Variants in HECW2 observed in about 807,000 individuals in gnomAD.
HECW2 encodes the protein E3 ubiquitin-protein ligase HECW2.
In HECW2, 61 loss-of-function variants were observed where a neutral mutation model predicts 175.2. The observed-to-expected ratio is 0.35, with a 90% CI of 0.28 to 0.43. HECW2 has a LOEUF of 0.43. HECW2 is among the 20% of genes least tolerant of loss of function. The pLI, the probability that HECW2 is intolerant of heterozygous loss-of-function variation, is 1.00. For synonymous variants in HECW2, 671 were observed against 731.0 expected (o/e 0.92, Z 1.32); for missense variants, 1,524 against 2,000.5 (o/e 0.76, Z 4.54).
intron 17 of HECW2, among the ~76,000 whole-genome samples, chr2:196,260,713 C>G (rs966579599): frequency 2.0e-5 from 3 of 152,170 alleles, no homozygotes; most frequent in Non-Finnish European, 4.4e-5. Context: ...GAGGAACAGA[C>G]AGAAGTCAGC....
intron 2 of HECW2, among the ~76,000 whole-genome samples, chr2:196,366,409 A>G (rs1480116623): frequency 6.6e-6 from 1 of 152,248 alleles, no homozygotes; most frequent in Non-Finnish European, 1.5e-5. Flanking sequence ...TCAAGCCAAA[A>G]TATCAGCATT....
At chr2:196,417,664 C>T (rs902518849) in intron 2 of HECW2, among the ~76,000 whole-genome samples, 2 of 152,240 alleles carry the variant, frequency 1.3e-5, no homozygotes, top group Non-Finnish European at 2.9e-5. Context: ...CTTACATATG[C>T]TGACCAGTAA....
intron 10 of HECW2, among the ~76,000 whole-genome samples, chr2:196,310,088 T>C (rs1691430836): frequency 6.6e-6 from 1 of 152,128 alleles, no homozygotes; most frequent in Admixed American, 6.5e-5. Context: ...GCACATAGCA[T>C]GTAATAAATG....
chr2:196,475,007 T>C (rs1380239619), intron 1 of HECW2, among the ~76,000 whole-genome samples: 1 of 152,084 alleles, frequency 6.6e-6, no homozygotes, highest in East Asian at 1.9e-4. Context: ...TAACACAGTT[T>C]AACGAATTTC....
chr2:196,434,724 T>C (rs1053357301), intron 1 of HECW2, among the ~76,000 whole-genome samples: 1 of 152,242 alleles, frequency 6.6e-6, no homozygotes, highest in African/African-American at 2.4e-5. Flanking sequence ...TCTTGGTACC[T>C]GCCACCATCT....
chr2:196,591,303 GAAACTGGATTC>G (rs1297141496), intron 1 of HECW2, among the ~76,000 whole-genome samples: 6 of 152,144 alleles, frequency 3.9e-5, no homozygotes, highest in African/African-American at 1.4e-4. Flanking sequence ...GATGGTGAAG[GAAACTGGATTC>G]AAACTAATGA....
intron 19 of HECW2, among the ~76,000 whole-genome samples, chr2:196,251,212 C>T (rs1402510886): frequency 6.6e-6 from 1 of 152,168 alleles, no homozygotes; most frequent in African/African-American, 2.4e-5. Flanking sequence ...GCTCTATTGA[C>T]CACTCCTCTG....
intron 1 of HECW2, among the ~76,000 whole-genome samples, chr2:196,570,956 T>C (rs1690364471): frequency 6.6e-6 from 1 of 152,242 alleles, no homozygotes; most frequent in African/African-American, 2.4e-5. Context: ...GTTTCCCTGA[T>C]GTTCAAAGAA....
chr2:196,242,294 A>G, intron 19 of HECW2, 90 bp from the exon 20 acceptor site: 1 of 1,532,700 alleles, frequency 6.5e-7, no homozygotes, highest in Non-Finnish European at 8.9e-7. Context: ...ATCACAATCA[A>G]CAAGTCAAAT....
At chr2:196,512,110 T>A (rs1687971429) in intron 1 of HECW2, among the ~76,000 whole-genome samples, 1 of 152,216 alleles carries the variant, frequency 6.6e-6, no homozygotes, top group South Asian at 2.1e-4. Flanking sequence ...ACACTCTGTG[T>A]GAAAGACCTG....
chr2:196,239,539 T>C (rs1575274915), intron 21 of HECW2: 1 of 152,214 alleles, frequency 6.6e-6, no homozygotes, highest in African/African-American at 2.4e-5. Flanking sequence ...ACTAATATGA[T>C]TCCATAATCT....
intron 28 of HECW2, among the ~76,000 whole-genome samples, chr2:196,202,644 T>A (rs930335562): frequency 6.6e-6 from 1 of 152,190 alleles, no homozygotes; most frequent in Non-Finnish European, 1.5e-5. Flanking sequence ...TGACTCTAAT[T>A]GCCTTCAGTG....
At chr2:196,581,185 A>C (rs1690767431) in intron 1 of HECW2, among the ~76,000 whole-genome samples, 1 of 152,178 alleles carries the variant, frequency 6.6e-6, no homozygotes, top group Non-Finnish European at 1.5e-5. Flanking sequence ...GAGGTGATGA[A>C]AAGGTTCAGG....
chr2:196,363,594 G>A (rs1693661572), intron 2 of HECW2, among the ~76,000 whole-genome samples: 1 of 152,196 alleles, frequency 6.6e-6, no homozygotes. Flanking sequence ...ACTTTGGGAG[G>A]CCAAAGTAGG....
intron 2 of HECW2, among the ~76,000 whole-genome samples, chr2:196,395,599 G>A (rs1694637500): frequency 6.6e-6 from 1 of 151,506 alleles, no homozygotes; most frequent in Admixed American, 6.6e-5. Context: ...TGACCACTAA[G>A]CACATTAAAA....
chr2:196,295,020 AGGAAGG>A (rs1261274229), intron 13 of HECW2, among the ~76,000 whole-genome samples: 1 of 152,196 alleles, frequency 6.6e-6, no homozygotes, highest in Non-Finnish European at 1.5e-5. Flanking sequence ...GGAAGGGAGG[AGGAAGG>A]GAAGAAGAAA....
At chr2:196,307,645 A>C (rs1691318838) in intron 11 of HECW2, among the ~76,000 whole-genome samples, 1 of 152,208 alleles carries the variant, frequency 6.6e-6, no homozygotes, top group African/African-American at 2.4e-5. Context: ...TTAAATAACA[A>C]ATGTATATGT....
intron 28 of HECW2, among the ~76,000 whole-genome samples, chr2:196,214,589 G>T (rs2105798150): frequency 6.6e-6 from 1 of 152,304 alleles, no homozygotes. Flanking sequence ...ATCAAATAAT[G>T]AATTCCCAGA....
intron 1 of HECW2, among the ~76,000 whole-genome samples, chr2:196,507,336 T>C (rs1197623892): frequency 6.6e-6 from 1 of 152,188 alleles, no homozygotes; most frequent in Non-Finnish European, 1.5e-5. Flanking sequence ...AAACAGGCTG[T>C]GGAGTGTTAC....
Sources: gnomAD v4.1 joint callset for allele counts (sites outside exome capture counted in the v4.1 genomes callset) on GRCh38, gnomAD v4.1.1 for gene constraint, MANE v1.5 for transcripts, NCBI Gene and HGNC (gene_info 2026-07-23, HGNC 2026-07-21) for gene names.